The following PCDH9 variants were observed in gnomAD, a reference collection of about 807,000 sequenced individuals.
The protein encoded by PCDH9 is protocadherin 9.
In PCDH9, 24 loss-of-function variants were observed where a neutral mutation model predicts 70.6. That is an observed-to-expected ratio of 0.34 (90% CI 0.25 to 0.48). The LOEUF (loss-of-function observed/expected upper bound fraction) is 0.48. Among genes scored for constraint, PCDH9 ranks in the 20% least tolerant of loss-of-function variants. The pLI is 0.99. For missense variants in PCDH9, 1,281 were observed against 1,503.6 expected, an observed-to-expected ratio of 0.85 and a Z score of 2.45; for synonymous variants, 562 against 558.5, an observed-to-expected ratio of 1.01 and a Z score of -0.09.
chr13:67,154,605 TACACAC>T (rs765270091), intron 2 of PCDH9, among the ~76,000 whole-genome samples: 11,342 of 93,308 alleles, frequency 0.12, 1,110 homozygotes, highest in South Asian at 0.22. Context: ...AATATATATA[TACACAC>T]ACACACACAC....
chr13:66,985,674 G>C (rs1454421125), intron 2 of PCDH9: 1 of 152,040 alleles, frequency 6.6e-6, no homozygotes, highest in East Asian at 1.9e-4. Context: ...CTGCTGTACT[G>C]TTCAATCTGT....
At chr13:66,713,109 G>A (rs1256369043) in intron 3 of PCDH9, among the ~76,000 whole-genome samples, 1 of 152,000 alleles carries the variant, frequency 6.6e-6, no homozygotes, top group South Asian at 2.1e-4. Flanking sequence ...AGTTGTGTTT[G>A]TTTTCTTAAA....
At chr13:66,712,042 A>G (rs1340898086) in intron 3 of PCDH9, among the ~76,000 whole-genome samples, 1 of 152,170 alleles carries the variant, frequency 6.6e-6, no homozygotes, top group Admixed American at 6.5e-5. Flanking sequence ...GAGTAACAGC[A>G]CTGCTAAAGC....
intron 2 of PCDH9, among the ~76,000 whole-genome samples, chr13:67,030,566 T>C (rs1420934256): frequency 6.6e-6 from 1 of 151,920 alleles, no homozygotes; most frequent in Non-Finnish European, 1.5e-5. Context: ...AGATCAAATG[T>C]TCTAGGTAAT....
At chr13:66,413,749 T>C (rs1163149232) in intron 4 of PCDH9, among the ~76,000 whole-genome samples, 3 of 151,946 alleles carry the variant, frequency 2.0e-5, no homozygotes, top group Non-Finnish European at 4.4e-5. Flanking sequence ...CTTTTTACTA[T>C]TTTTTGTTTG....
intron 3 of PCDH9, among the ~76,000 whole-genome samples, chr13:66,656,973 A>T (rs963275577): frequency 6.6e-6 from 1 of 152,196 alleles, no homozygotes; most frequent in African/African-American, 2.4e-5. Context: ...CTTGCAGCAG[A>T]AGAGCAAGTC....
intron 3 of PCDH9, among the ~76,000 whole-genome samples, chr13:66,765,172 C>T (rs1345142512): frequency 6.6e-6 from 1 of 151,582 alleles, no homozygotes; most frequent in African/African-American, 2.4e-5. Flanking sequence ...TGAGCTCTGG[C>T]AGATCTAATC....
chr13:66,901,336 C>T (rs1357173073), intron 3 of PCDH9, among the ~76,000 whole-genome samples: 2 of 151,686 alleles, frequency 1.3e-5, no homozygotes, highest in East Asian at 3.9e-4. Context: ...GTATGAGGTA[C>T]TATTTAACAC....
intron 3 of PCDH9, chr13:66,885,951 C>A (rs1455036887): frequency 2.0e-5 from 3 of 152,124 alleles, no homozygotes; most frequent in African/African-American, 7.2e-5. Context: ...TGCTCTACCC[C>A]ATAGGATCCT....
intron 2 of PCDH9, among the ~76,000 whole-genome samples, chr13:66,936,787 G>C (rs1368180286): frequency 3.9e-5 from 6 of 152,162 alleles, no homozygotes; most frequent in African/African-American, 1.4e-4. Flanking sequence ...CTATCAGCAA[G>C]TTCCTTAACC....
At chr13:66,322,953 T>C (rs1955780933) in intron 4 of PCDH9, among the ~76,000 whole-genome samples, 1 of 152,080 alleles carries the variant, frequency 6.6e-6, no homozygotes, top group African/African-American at 2.4e-5. Flanking sequence ...AAAAATTCTT[T>C]CACTGTGAAC....
intron 3 of PCDH9, among the ~76,000 whole-genome samples, chr13:66,717,826 C>T (rs540357328): frequency 6.6e-6 from 1 of 152,166 alleles, no homozygotes; most frequent in South Asian, 2.1e-4. Flanking sequence ...CTCATATGTA[C>T]ATATTGGTAT....
chr13:66,422,675 T>C (rs1349232579), intron 4 of PCDH9, among the ~76,000 whole-genome samples: 5 of 152,130 alleles, frequency 3.3e-5, no homozygotes, highest in Admixed American at 1.3e-4. Flanking sequence ...GGGAAATTTA[T>C]GGCACTAAAT....
intron 4 of PCDH9, among the ~76,000 whole-genome samples, chr13:66,453,182 A>T (rs999203610): frequency 2.0e-5 from 3 of 152,194 alleles, no homozygotes; most frequent in African/African-American, 7.2e-5. Context: ...TTATGTGAGA[A>T]TTTGAAAGGG....
At chr13:66,947,960 C>G (rs1283708101) in intron 2 of PCDH9, among the ~76,000 whole-genome samples, 1 of 151,978 alleles carries the variant, frequency 6.6e-6, no homozygotes, top group Non-Finnish European at 1.5e-5. Context: ...ACTATCTAAC[C>G]TAGAGGAAAA....
chr13:66,828,998 T>C (rs1244627080), intron 3 of PCDH9, among the ~76,000 whole-genome samples: 2 of 146,696 alleles, frequency 1.4e-5, no homozygotes, highest in Non-Finnish European at 3.0e-5. Flanking sequence ...AAAAGAAAGA[T>C]TCTGTGGGTC....
intron 2 of PCDH9, among the ~76,000 whole-genome samples, chr13:67,113,999 C>T (rs899813554): frequency 6.6e-6 from 1 of 152,138 alleles, no homozygotes; most frequent in South Asian, 2.1e-4. Context: ...GTCTTATTTA[C>T]GTACTTTTTT....
chr13:66,477,445 A>C (rs1413820261), intron 4 of PCDH9, among the ~76,000 whole-genome samples: 2 of 152,164 alleles, frequency 1.3e-5, no homozygotes, highest in Non-Finnish European at 2.9e-5. Flanking sequence ...GCTTACCTAA[A>C]TTATATGATA....
intron 3 of PCDH9, among the ~76,000 whole-genome samples, chr13:66,677,764 C>A (rs1218529217): frequency 1.3e-5 from 2 of 152,058 alleles, no homozygotes; most frequent in Admixed American, 6.6e-5. Flanking sequence ...CATGATTCCT[C>A]GAAAGCCTAC....
Sources: gnomAD v4.1 joint callset for allele counts (sites outside exome capture counted in the v4.1 genomes callset) on GRCh38, gnomAD v4.1.1 for gene constraint, MANE v1.5 for transcripts, NCBI Gene and HGNC (gene_info 2026-07-23, HGNC 2026-07-21) for gene names.